The following SV2B variants were observed in gnomAD, a reference collection of about 807,000 sequenced individuals.
SV2B encodes the protein synaptic vesicle glycoprotein 2B.
Under a neutral mutation model 73.9 loss-of-function variants are expected in SV2B, and 41 were observed. The ratio of observed to expected loss-of-function variants is 0.56; its 90% CI spans 0.43 to 0.72. The LOEUF (loss-of-function observed/expected upper bound fraction) is 0.72. SV2B is among the 30% of genes least tolerant of loss of function. The probability of loss-of-function intolerance (pLI) is 0.00; values close to 1 mark genes in which losing one functional copy is unlikely to be tolerated. For synonymous variants in SV2B, 314 were observed against 314.2 expected (o/e 1.00, Z 0.01); for missense variants, 764 against 857.8 (o/e 0.89, Z 1.37).
rs916211463 is a variant in SV2B, at chr15:91,223,529, T to C, written c.-391-2344T>C. Among the ~76,000 whole-genome samples, 2 of 152,262 alleles carry C rather than the reference T, an allele frequency of 1.3e-5. No homozygotes were observed. The highest frequency in any genetic ancestry group is 2.9e-5 in the Non-Finnish European group (2 of 68,020). On this transcript the variant is annotated intron_variant, in intron 1 of 12. Coordinates refer to ENST00000394232, the MANE Select transcript of SV2B (RefSeq NM_001323032.3). The surrounding 1 kb of genome is among the most constrained non-coding windows in gnomAD (Gnocchi z 4.6). ...GTGAGTCCCACAAGTGCTTTTGGAA[T>C]TGCAAGTCTATCATTTCTGGTTCAC...
chr15:91,169,109 T>C (rs2141274064), intron 1 of SV2B, among the ~76,000 whole-genome samples: 1 of 152,328 alleles, frequency 6.6e-6, no homozygotes, highest in East Asian at 1.9e-4. Flanking sequence ...TTTTTCTGCA[T>C]ATGAAGTAGT....
rs369768089 is a variant in SV2B at position 91,236,828 on chromosome 15, C to G, written c.451+10114C>G. On this transcript the variant is annotated intron_variant, in intron 2 of 12. Coordinates refer to ENST00000394232, the MANE Select transcript of SV2B (RefSeq NM_001323032.3). This position sits in a 1 kb window ranked among gnomAD's most constrained non-coding sequence, Gnocchi z 4.1. ...TCGGAGGGCTCACCCACACAAATAT[C>G]TGGTACCCAAACTGGAAGACGCAGA... Among the ~76,000 whole-genome samples the G allele has an allele frequency of 1.3e-5, 2 of 152,108 alleles. No individual in the cohort carries two copies. Among genetic ancestry groups the G allele is most frequent in the East Asian group, 3.9e-4 (2 of 5,182 alleles).
In SV2B at chr15:91,185,845, T is replaced by C. The variant is rs146390349; in HGVS notation, c.-391-40028T>C. Reference sequence around the variant, plus strand: ...CAGTAACTTGCTCAAGGTCATGTTGTTGTGGACTAACTCCTGGTCCCAAGC... The same window carrying C: ...CAGTAACTTGCTCAAGGTCATGTTGCTGTGGACTAACTCCTGGTCCCAAGC... On this transcript the variant is annotated intron_variant, in intron 1 of 12. Coordinates refer to ENST00000394232, the MANE Select transcript of SV2B (RefSeq NM_001323032.3). Among the ~76,000 whole-genome samples, 132 of 152,316 alleles carry C rather than the reference T, an allele frequency of 8.7e-4. 3 individuals are homozygous for C. The East Asian group carries it at 0.022, about 25-fold the overall frequency.
intron 6 of SV2B, among the ~76,000 whole-genome samples, chr15:91,264,422 C>G (rs919629101): frequency 1.3e-5 from 2 of 152,156 alleles, no homozygotes; most frequent in African/African-American, 2.4e-5. Context: ...TTTTATAGGT[C>G]GAACATGGAA....
At chr15:91,248,118 A>G (rs577286042) in intron 2 of SV2B, among the ~76,000 whole-genome samples, 46 of 152,186 alleles carry the variant, frequency 3.0e-4, no homozygotes, top group Middle Eastern at 6.8e-3. Context: ...TCAGGAGATC[A>G]AGACCATCCT....
chr15:91,162,559 C>T (rs984043348), intron 1 of SV2B, among the ~76,000 whole-genome samples: 12 of 152,246 alleles, frequency 7.9e-5, no homozygotes, highest in African/African-American at 2.9e-4. Flanking sequence ...GTAGCTCAGA[C>T]ATCTGGCATG....
intron 9 of SV2B, among the ~76,000 whole-genome samples, chr15:91,275,366 A>G (rs1596763053): frequency 6.6e-6 from 1 of 152,304 alleles, no homozygotes; most frequent in East Asian, 1.9e-4. Context: ...TTATTCTATT[A>G]CTTCACTTTT....
intron 1 of SV2B, among the ~76,000 whole-genome samples, chr15:91,191,059 G>GTTTATTTTTTTTTTTT (rs1161482690): frequency 1.7e-5 from 1 of 59,750 alleles, no homozygotes. Context: ...TTTTTTTGGT[G>GTTTATTTTTTTTTTTT]TTTCTTTTTT....
intron 1 of SV2B, among the ~76,000 whole-genome samples, chr15:91,113,763 C>A (rs776829707): frequency 1.3e-5 from 2 of 152,096 alleles, no homozygotes; most frequent in African/African-American, 2.4e-5. Context: ...CTTTCTGATA[C>A]AGGTTGCATA....
intron 2 of SV2B, among the ~76,000 whole-genome samples, chr15:91,243,472 C>T (rs147823443): frequency 6.6e-6 from 1 of 152,112 alleles, no homozygotes; most frequent in Admixed American, 6.5e-5. Context: ...GTGACAGATA[C>T]CCCTCTGCCC....
In SV2B at chr15:91,231,762, C is replaced by A. The variant is rs1229715684; in HGVS notation, c.451+5048C>A. Among the ~76,000 whole-genome samples the A allele has an allele frequency of 1.3e-5, 2 of 152,120 alleles. No homozygotes were observed. The highest frequency in any genetic ancestry group is 2.9e-5 in the Non-Finnish European group (2 of 68,026). On this transcript the variant is annotated intron_variant, in intron 2 of 12. Coordinates refer to ENST00000394232, the MANE Select transcript of SV2B (RefSeq NM_001323032.3). The surrounding 1 kb of genome is among the most constrained non-coding windows in gnomAD (Gnocchi z 4.5). Reference sequence around the variant, plus strand: ...AGAGTTTTCATTTCTTGGAAGGATCCAGTGACTTGTGTATTTTATTGGCTG... The same window carrying A: ...AGAGTTTTCATTTCTTGGAAGGATCAAGTGACTTGTGTATTTTATTGGCTG...
intron 9 of SV2B, among the ~76,000 whole-genome samples, chr15:91,269,550 A>G (rs6496782): frequency 0.36 from 54,189 of 151,704 alleles, 10,607 homozygotes; most frequent in African/African-American, 0.5. Context: ...TGAATGTTGT[A>G]TCTCCCTCTG....
chr15:91,207,340 T>C (rs1436426222), intron 1 of SV2B, among the ~76,000 whole-genome samples: 1 of 152,114 alleles, frequency 6.6e-6, no homozygotes, highest in Non-Finnish European at 1.5e-5. Flanking sequence ...AATGTTTTTT[T>C]TCTGTCGGAT....
Position 91,293,236 on chromosome 15 carries a change from T to C in SV2B, c.*684T>C, listed in dbSNP as rs1165073739. The C allele has an allele frequency of 6.6e-6, 1 of 152,250 alleles. No individual in the cohort carries two copies. Among genetic ancestry groups the C allele is most frequent in the Non-Finnish European group, 1.5e-5 (1 of 68,044 alleles). 9.4% of individuals were successfully genotyped at this position (152,250 alleles called of 1,614,324 possible). On this transcript the variant is annotated 3_prime_UTR_variant, in exon 13 of 13. Coordinates refer to ENST00000394232, the MANE Select transcript of SV2B (RefSeq NM_001323032.3). ...TATTCAAAGAAACGGAATGGGATAG[T>C]TATTCTGTAAACTAAGTTTGTATAT...
chr15:91,137,896 T>A lies in SV2B; in HGVS notation c.-392+37533T>A, dbSNP rs1023183628. On this transcript the variant is annotated intron_variant, in intron 1 of 12. Transcript: ENST00000394232. This position sits in a 1 kb window ranked among gnomAD's most constrained non-coding sequence, Gnocchi z 4.9. ...TCAGGTGTTTACTTTGCCTTTCCAATACAAACTATATCTCAGGACAACCAA... is the reference window on the plus strand; with the variant it reads ...TCAGGTGTTTACTTTGCCTTTCCAAAACAAACTATATCTCAGGACAACCAA... 1.3e-5 allele frequency among the ~76,000 whole-genome samples: 2 copies of A among 152,080 alleles called. No individual in the cohort carries two copies. The highest frequency in any genetic ancestry group is 2.4e-5 in the African/African-American group (1 of 41,416).
At chr15:91,203,768 C>T (rs776412957) in intron 1 of SV2B, among the ~76,000 whole-genome samples, 2 of 152,096 alleles carry the variant, frequency 1.3e-5, no homozygotes, top group African/African-American at 4.8e-5. Context: ...CAAGTTCCTG[C>T]GTGTTAAATC....
At chr15:91,166,318 C>T (rs1190790417) in intron 1 of SV2B, among the ~76,000 whole-genome samples, 1 of 151,962 alleles carries the variant, frequency 6.6e-6, no homozygotes, top group Non-Finnish European at 1.5e-5. Context: ...CACTGCCATG[C>T]AATATGTAAT....
At position 91,220,719 on chromosome 15, in the gene SV2B, C is replaced by G. The variant is rs1264628759; in HGVS notation, c.-391-5154C>G. Among the ~76,000 whole-genome samples the G allele has an allele frequency of 6.6e-6, 1 of 152,184 alleles. No homozygotes were observed. Among genetic ancestry groups the G allele is most frequent in the East Asian group, 1.9e-4 (1 of 5,204 alleles). On this transcript the variant is annotated intron_variant, in intron 1 of 12. Transcript: ENST00000394232. This position sits in a 1 kb window ranked among gnomAD's most constrained non-coding sequence, Gnocchi z 4.1. ...TAACTCAATATTTGTTTGTTTTTCT[C>G]TGTATGTGGTTTCCTAGCCCAGCCC...
At position 91,288,170 on chromosome 15, in the gene SV2B, G is replaced by A. The variant is rs933348594; in HGVS notation, c.1709-1351G>A. 2.0e-5 allele frequency among the ~76,000 whole-genome samples: 3 copies of A among 152,166 alleles called. No individual in the cohort carries two copies. The highest frequency in any genetic ancestry group is 4.4e-5 in the Non-Finnish European group (3 of 68,024). On this transcript the variant is annotated intron_variant, in intron 11 of 12. Transcript: ENST00000394232. The surrounding 1 kb of genome is among the most constrained non-coding windows in gnomAD (Gnocchi z 5.8). ...ATTCGGGTAAATGGGGAATAGCACC[G>A]CCTTTCTTCAGGTTTCCCTTCAATA...
Sources: gnomAD v4.1 joint callset for allele counts (sites outside exome capture counted in the v4.1 genomes callset) on GRCh38, gnomAD v4.1.1 for gene constraint, Gnocchi (gnomAD v3.1) non-coding constraint, MANE v1.5 for transcripts, NCBI Gene and HGNC (gene_info 2026-07-23, HGNC 2026-07-21) for gene names.